AGR2: variants seen among roughly 807,000 people sequenced by gnomAD.
AGR2 encodes anterior gradient 2, protein disulphide isomerase family member.
Under a neutral mutation model 25.9 loss-of-function variants are expected in AGR2, and 27 were observed. The observed-to-expected ratio is 1.04, with a 90% CI of 0.77 to 1.44. The LOEUF (loss-of-function observed/expected upper bound fraction) is 1.44. Ranked by LOEUF, AGR2 falls within the 40% of genes most tolerant of loss-of-function variation. The probability of loss-of-function intolerance (pLI) is 0.00; values close to 1 mark genes in which losing one functional copy is unlikely to be tolerated. For synonymous variants in AGR2, 78 were observed against 72.0 expected (o/e 1.08, Z -0.42); for missense variants, 182 against 200.9 (o/e 0.91, Z 0.57).
intron 5 of AGR2, among the ~76,000 whole-genome samples, chr7:16,798,886 C>T (rs1785093368): frequency 1.3e-5 from 2 of 152,154 alleles, no homozygotes. Flanking sequence ...CAGTGAGGAA[C>T]ATACTGAGTT....
In AGR2 at chr7:16,799,724, A is replaced by C. The variant is rs568093378; in HGVS notation, c.330+20T>G. ...AATGAGCCATAGAGAAATGTTAGTA[A>C]TGATGAAAAGGAAACTTACAACCAG... On this transcript the variant is annotated intron_variant, in intron 5 of 7. Transcript: ENST00000419304. 162 of 1,581,504 alleles carry C rather than the reference A, an allele frequency of 1.0e-4. 4 individuals are homozygous for C. The South Asian group carries it at 1.8e-3, about 17-fold the overall frequency.
In AGR2 at chr7:16,795,252, T is replaced by G. The variant is rs530718604; in HGVS notation, c.395-233A>C. ...GCAGTGCTATTTGTGGAAAAGGTTA[T>G]GAACCCTTCTGTTCTATCTATGGCA... On this transcript the variant is annotated intron_variant, in intron 6 of 7. Transcript: ENST00000419304. Among the ~76,000 whole-genome samples the G allele has an allele frequency of 2.0e-3, 301 of 151,790 alleles. 5 individuals are homozygous for G. Among genetic ancestry groups the G allele is most frequent in the Middle Eastern group, 0.014 (4 of 288 alleles).
In AGR2 at chr7:16,799,518, A is replaced by G. The variant is rs1785105943; in HGVS notation, c.330+226T>C. ...ACAGAAAAAATTCTGACTACGGGAG[A>G]TAATTTTTCAGACAAACTAAGATGA... On this transcript the variant is annotated intron_variant, in intron 5 of 7. Coordinates refer to ENST00000419304, the MANE Select transcript of AGR2 (RefSeq NM_006408.4). 6 of 470,680 alleles carry G rather than the reference A, an allele frequency of 1.3e-5. 1 individual carries two copies. The South Asian group carries it at 2.2e-4, about 18-fold the overall frequency. The allele number at this position is 470,680 out of a possible 1,614,324, so 29.2% of individuals were successfully genotyped here.
At chr7:16,796,863 G>A (rs1785053103) in intron 6 of AGR2, among the ~76,000 whole-genome samples, 1 of 152,114 alleles carries the variant, frequency 6.6e-6, no homozygotes, top group African/African-American at 2.4e-5. Flanking sequence ...GAAAGCATAT[G>A]AAAAGTACCA....
At position 16,800,541 on chromosome 7, in the gene AGR2, G is replaced by A. The variant is rs143353291; in HGVS notation, c.256+610C>T. ...CTGTGATAAGAAGCCACTTGAGCAC[G>A]TGAGTGATGGAATCTGATTTATGTC... On this transcript the variant is annotated intron_variant, in intron 4 of 7. Transcript: ENST00000419304. Among the ~76,000 whole-genome samples, 3 of 152,330 alleles carry A rather than the reference G, an allele frequency of 2.0e-5. No individual in the cohort carries two copies. The East Asian group carries it at 5.8e-4, about 29-fold the overall frequency.
chr7:16,797,052 G>C (rs1235407871), intron 6 of AGR2, among the ~76,000 whole-genome samples: 2 of 151,858 alleles, frequency 1.3e-5, no homozygotes, highest in Admixed American at 1.3e-4. Flanking sequence ...CTCCCAGGTA[G>C]CTGGGATTAC....
intron 6 of AGR2, 108 bp from the exon 7 acceptor site, chr7:16,795,127 T>A: frequency 8.2e-7 from 1 of 1,217,732 alleles, no homozygotes; most frequent in Non-Finnish European, 1.2e-6. Context: ...TGTGAGGGAA[T>A]GGAGTGTGTC....
chr7:16,792,671 A>AT lies in AGR2; in HGVS notation c.*236dup, dbSNP rs556565008. The AT allele has an allele frequency of 0.033, 13,504 of 407,814 alleles. 5 individuals carry two copies. Among genetic ancestry groups the AT allele is most frequent in the Middle Eastern group, 0.045 (68 of 1,526 alleles). The allele number at this position is 407,814 out of a possible 1,614,324, so 25.3% of individuals were successfully genotyped here. ...AAAACAGAACACCCCCAAAACATTT[A>AT]TTTTTTTTTTTAGAAAATCATGGCT... On this transcript the variant is annotated 3_prime_UTR_variant, in exon 8 of 8. Coordinates refer to ENST00000419304, the MANE Select transcript of AGR2 (RefSeq NM_006408.4).
At chr7:16,794,638 G>A in intron 7 of AGR2, 1 of 580,482 alleles carries the variant, frequency 1.7e-6, no homozygotes, top group Non-Finnish European at 3.0e-6. Context: ...TAGAAGGAGT[G>A]TGTGCTCGTG....
intron 6 of AGR2, 56 bp downstream of exon 6, chr7:16,797,575 G>A: frequency 6.6e-7 from 1 of 1,511,014 alleles, no homozygotes; most frequent in Non-Finnish European, 9.2e-7. Context: ...AGGAGAGAAG[G>A]AGGATGGCAG....
chr7:16,803,696 T>C (rs941833307), intron 1 of AGR2, among the ~76,000 whole-genome samples: 2 of 152,202 alleles, frequency 1.3e-5, no homozygotes, highest in Non-Finnish European at 2.9e-5. Flanking sequence ...TGCCAATAAC[T>C]TTTGTCTTCT....
At chr7:16,798,233 A>G (rs1490194507) in intron 5 of AGR2, among the ~76,000 whole-genome samples, 1 of 152,220 alleles carries the variant, frequency 6.6e-6, no homozygotes, top group Non-Finnish European at 1.5e-5. Flanking sequence ...TGAGCAAGAC[A>G]TTTAGCCCAG....
intron 7 of AGR2, 142 bp from the exon 8 acceptor site, chr7:16,793,099 C>A: frequency 1.3e-6 from 1 of 743,926 alleles, no homozygotes; most frequent in South Asian, 1.8e-5. Flanking sequence ...CTCAGGCTGG[C>A]ATGCAGTGGT....
chr7:16,796,682 G>C (rs1047690600), intron 6 of AGR2, among the ~76,000 whole-genome samples: 1 of 152,144 alleles, frequency 6.6e-6, no homozygotes, highest in Non-Finnish European at 1.5e-5. Context: ...TGCCATAGGG[G>C]CTTATAGTCC....
In AGR2 at chr7:16,804,614, G is replaced by A. The variant is rs1785203044; in HGVS notation, c.-8+321C>T. 3.3e-5 allele frequency among the ~76,000 whole-genome samples: 5 copies of A among 152,166 alleles called. No individual in the cohort carries two copies. The South Asian group carries it at 1.0e-3, about 32-fold the overall frequency. Reference sequence around the variant, plus strand: ...CCCGTGGGAAAGAAAGCTTTAGATGGTGACTGAGACGAAAATCCCTGGACC... The same window carrying A: ...CCCGTGGGAAAGAAAGCTTTAGATGATGACTGAGACGAAAATCCCTGGACC... On this transcript the variant is annotated intron_variant, in intron 1 of 7. Coordinates refer to ENST00000419304, the MANE Select transcript of AGR2 (RefSeq NM_006408.4).
At chr7:16,795,053 T>C in intron 6 of AGR2, 34 bp from the exon 7 acceptor site, 2 of 1,610,960 alleles carry the variant, frequency 1.2e-6, no homozygotes, top group Non-Finnish European at 1.7e-6. Flanking sequence ...GGGAATGGAA[T>C]GGTTTGTTTT....
chr7:16,794,815 G>A, intron 7 of AGR2, 121 bp downstream of exon 7: 1 of 1,555,314 alleles, frequency 6.4e-7, no homozygotes, highest in Non-Finnish European at 8.7e-7. Flanking sequence ...GGGTCAAACT[G>A]AGTCCGAGGC....
In AGR2 at chr7:16,792,950, G is replaced by T. The variant is rs148204661; in HGVS notation, c.486C>A (p.Asp162Glu). ...GCAACTTGAGAGCTTTCTTCATGTT[G>T]TCAAGCACTAATGGGGGATAAAAGC... ...YEPADTALLL[D>E]NMKKALKLLK... Residue 162 changes from aspartate (D) to glutamate (E), a missense_variant, in exon 8 of 8, where the codon GAC (aspartate) becomes GAA (glutamate). Physicochemically the swap from Asp to Glu is conservative, Grantham distance 45 (BLOSUM62 2). Coordinates refer to ENST00000419304, the MANE Select transcript of AGR2 (RefSeq NM_006408.4). The T allele has an allele frequency of 7.4e-6, 12 of 1,613,790 alleles. No homozygotes were observed. The highest frequency in any genetic ancestry group is 1.3e-5 in the African/African-American group (1 of 74,874).
chr7:16,794,634 GA>G (rs1198829830), intron 7 of AGR2: 1 of 565,466 alleles, frequency 1.8e-6, no homozygotes, highest in Non-Finnish European at 3.1e-6. Context: ...GTGATAGAAG[GA>G]GTGTGTGCTC....
Sources: allele counts gnomAD v4.1 joint callset (sites outside exome capture counted in the v4.1 genomes callset), GRCh38; gene constraint gnomAD v4.1.1; transcripts MANE v1.5; gene names NCBI Gene and HGNC (gene_info 2026-07-23, HGNC 2026-07-21).